Variants in PAK4 observed in about 807,000 individuals in gnomAD.
The protein encoded by PAK4 is p21 (RAC1) activated kinase 4.
PAK4 carries 49 observed loss-of-function variants against 53.5 expected under a neutral mutation model. The ratio of observed to expected loss-of-function variants is 0.92; its 90% CI spans 0.73 to 1.16. The LOEUF (loss-of-function observed/expected upper bound fraction) is 1.16. Among genes scored for constraint, PAK4 ranks in the 50% most tolerant of loss-of-function variants. The pLI, the probability that PAK4 is intolerant of heterozygous loss-of-function variation, is 0.00. For missense variants in PAK4, 824 were observed against 850.7 expected, an observed-to-expected ratio of 0.97 and a Z score of 0.39; for synonymous variants, 376 against 375.6, an observed-to-expected ratio of 1.00 and a Z score of -0.01.
chr19:39,144,157 T>TAGACAGACAGACAGACAGACAGAC (rs2073960703), intron 1 of PAK4, among the ~76,000 whole-genome samples: 1 of 42,866 alleles, frequency 2.3e-5, no homozygotes, highest in South Asian at 1.2e-3. Flanking sequence ...GATAGATAGA[T>TAGACAGACAGACAGACAGACAGAC]AGATTAGATT....
chr19:39,175,465 G>A lies in PAK4; in HGVS notation c.1359+27G>A. 1.3e-6 allele frequency: 2 copies of A among 1,588,400 alleles called. No individual in the cohort carries two copies. The highest frequency in any genetic ancestry group is 1.7e-6 in the Non-Finnish European group (2 of 1,166,628). Reference sequence around the variant, plus strand: ...TGAGGGGACGGGCGGCGGGGTACGGGGGCGGCAGGTTTCCGGCTGCGGGGC... The same window carrying A: ...TGAGGGGACGGGCGGCGGGGTACGGAGGCGGCAGGTTTCCGGCTGCGGGGC... On this transcript the variant is annotated intron_variant, in intron 6 of 8. Coordinates refer to ENST00000358301, the Ensembl canonical transcript of PAK4. This position sits in a 1 kb window ranked among gnomAD's most constrained non-coding sequence, Gnocchi z 4.7.
chr19:39,172,666 C>T (rs2074504622), intron 2 of PAK4, among the ~76,000 whole-genome samples: 1 of 152,154 alleles, frequency 6.6e-6, no homozygotes, highest in Admixed American at 6.5e-5. Flanking sequence ...CAAGGGGGGC[C>T]TCTCCAGGGT....
chr19:39,132,552 C>T (rs558325331), intron 1 of PAK4, among the ~76,000 whole-genome samples: 10 of 152,390 alleles, frequency 6.6e-5, no homozygotes, highest in African/African-American at 2.4e-4. Flanking sequence ...CGTGCCCCCA[C>T]GGACAGCACA....
chr19:39,147,573 C>T (rs1278235338), intron 1 of PAK4, among the ~76,000 whole-genome samples: 1 of 152,146 alleles, frequency 6.6e-6, no homozygotes, highest in Non-Finnish European at 1.5e-5. Flanking sequence ...CCATCAAAAC[C>T]ATTTTCTAGA....
chr19:39,154,346 T>G lies in PAK4; in HGVS notation c.-22-15186T>G, dbSNP rs529561813. ...GAAGAGCAAAGTACAGAATATTGTG[T>G]GTCATGTGGCTGCCATTTCTCTTGT... On this transcript the variant is annotated intron_variant, in intron 1 of 8. Coordinates refer to ENST00000358301, the Ensembl canonical transcript of PAK4. Among the ~76,000 whole-genome samples, 17 of 152,260 alleles carry G rather than the reference T, an allele frequency of 1.1e-4. No individual in the cohort carries two copies. The East Asian group carries it at 2.9e-3, about 26-fold the overall frequency.
intron 4 of PAK4, 86 bp downstream of exon 5, chr19:39,174,096 C>T (rs1383050287): frequency 1.1e-5 from 10 of 878,036 alleles, no homozygotes; most frequent in Non-Finnish European, 1.7e-5. Context: ...TCTCCCTGCA[C>T]TCCTCCGTGC....
At chr19:39,150,853 A>G (rs1600346787) in intron 1 of PAK4, among the ~76,000 whole-genome samples, 2 of 152,112 alleles carry the variant, frequency 1.3e-5, no homozygotes, top group African/African-American at 4.8e-5. Context: ...CCTGCTGCCC[A>G]CCCATCCCTC....
In PAK4 at chr19:39,178,303, GC is replaced by G; in HGVS notation, c.1621-116del. ...CAAGATCTAGACACCCATGACCTCC[GC>G]CCCCTGCCCTCCTGCACAGTACATG... On this transcript the variant is annotated intron_variant, in intron 8 of 8. Transcript: ENST00000358301. The surrounding 1 kb of genome is among the most constrained non-coding windows in gnomAD (Gnocchi z 4.4). 2.0e-6 allele frequency: 2 copies of G among 1,018,788 alleles called. No individual in the cohort carries two copies. Among genetic ancestry groups the G allele is most frequent in the Non-Finnish European group, 2.8e-6 (2 of 707,132 alleles). The allele number at this position is 1,018,788 out of a possible 1,614,324, so 63.1% of individuals were successfully genotyped here.
rs138564503 is a variant in PAK4 at position 39,176,703 on chromosome 19, C to T, written c.1473C>T (p.Pro491=). Residue 491 remains proline (P), a synonymous_variant, in exon 7 of 9, where the codon CCC becomes CCT. Transcript: ENST00000358301. Reference sequence around the variant, plus strand: ...CCCCAGAGCTCATCTCCCGCCTTCCCTACGGGCCAGAGGTGAGCCCCGGGG... The same window carrying T: ...CCCCAGAGCTCATCTCCCGCCTTCCTTACGGGCCAGAGGTGAGCCCCGGGG... The T allele has an allele frequency of 6.8e-6, 11 of 1,610,200 alleles. No homozygotes were observed. In the African/African-American group the frequency reaches 1.3e-4, roughly 20 times the overall value.
chr19:39,144,418 C>T (rs1228677764), intron 1 of PAK4, among the ~76,000 whole-genome samples: 2 of 152,188 alleles, frequency 1.3e-5, no homozygotes, highest in Non-Finnish European at 2.9e-5. Flanking sequence ...GTCTCCAGCA[C>T]GGGGCACCGA....
In PAK4 at chr19:39,161,506, C is replaced by T. The variant is rs1423311545; in HGVS notation, c.-22-8026C>T. Reference sequence around the variant, plus strand: ...GCCCCCTCTGCAGCCCCCACAAGGTCCTGCCCCCTTGATTTCCACTGGGCC... The same window carrying T: ...GCCCCCTCTGCAGCCCCCACAAGGTTCTGCCCCCTTGATTTCCACTGGGCC... On this transcript the variant is annotated intron_variant, in intron 1 of 8. Coordinates refer to ENST00000358301, the Ensembl canonical transcript of PAK4. The surrounding 1 kb of genome is among the most constrained non-coding windows in gnomAD (Gnocchi z 4.5). Among the ~76,000 whole-genome samples, 1 of 151,856 alleles carries T rather than the reference C, an allele frequency of 6.6e-6. No homozygotes were observed. Among genetic ancestry groups the T allele is most frequent in the East Asian group, 1.9e-4 (1 of 5,182 alleles).
At chr19:39,135,233 C>T (rs970092667) in intron 1 of PAK4, 1 of 151,392 alleles carries the variant, frequency 6.6e-6, no homozygotes, top group African/African-American at 2.4e-5. Context: ...TGGTTATCAT[C>T]GGGCTGAGCC....
chr19:39,172,268 G>A (rs2074495793), intron 2 of PAK4, among the ~76,000 whole-genome samples: 2 of 152,152 alleles, frequency 1.3e-5, no homozygotes, highest in African/African-American at 4.8e-5. Context: ...AAATGGAACG[G>A]GGGCAGAGGG....
chr19:39,126,950 G>A (rs2073595901), intron 1 of PAK4, among the ~76,000 whole-genome samples: 1 of 152,142 alleles, frequency 6.6e-6, no homozygotes, highest in African/African-American at 2.4e-5. Context: ...GCCCCTGGTC[G>A]CCACATTGTC....
chr19:39,172,967 T>C, exon 3 of PAK4: 2 of 1,547,470 alleles, frequency 1.3e-6, no homozygotes, highest in Non-Finnish European at 1.7e-6. Flanking sequence ...CTCACGCTGC[T>C]GCTGGACGAG....
chr19:39,169,636 A>G (rs1392257161), exon 2 of PAK4: 1 of 1,613,592 alleles, frequency 6.2e-7, no homozygotes, highest in East Asian at 2.2e-5. Context: ...TTCGACCAGC[A>G]CGAGCAGAAG....
chr19:39,173,198 C>G lies in PAK4; in HGVS notation c.485C>G (p.Ser162Cys), dbSNP rs746301160. ...GCGGGGCCAGAGAAGAGGCCCAAGT[C>G]TTCCAGGGAGGGCTCAGGGGGTCCC... Residue 162 changes from serine to cysteine, a missense_variant, in exon 3 of 9, where the codon TCT becomes TGT. Ser to Cys is a moderately radical substitution (Grantham distance 112). Around this residue, in one of 2 missense-constraint regions of PAK4, gnomAD observed 478 missense variants for 435.8 expected, o/e 1.10. Transcript: ENST00000358301. The surrounding 1 kb of genome is among the most constrained non-coding windows in gnomAD (Gnocchi z 6.9). 23 of 1,549,128 alleles carry G rather than the reference C, an allele frequency of 1.5e-5. No individual in the cohort carries two copies. Among genetic ancestry groups the G allele is most frequent in the Admixed American group, 3.9e-5 (2 of 51,222 alleles).
intron 7 of PAK4, among the ~76,000 whole-genome samples, chr19:39,176,962 G>A (rs1044003625): frequency 1.3e-5 from 2 of 151,828 alleles, no homozygotes; most frequent in Non-Finnish European, 2.9e-5. Flanking sequence ...TCCACCTCCC[G>A]GGTTCAAGCG....
At chr19:39,129,443 G>C (rs976464662) in intron 1 of PAK4, among the ~76,000 whole-genome samples, 1 of 151,858 alleles carries the variant, frequency 6.6e-6, no homozygotes, top group Non-Finnish European at 1.5e-5. Context: ...CATATGCCTA[G>C]TAGTGGAAAA....
Sources: gnomAD v4.1 joint callset for allele counts (sites outside exome capture counted in the v4.1 genomes callset) on GRCh38, gnomAD v4.1.1 for gene constraint, gnomAD v4.1.1 regional missense constraint, Gnocchi (gnomAD v3.1) non-coding constraint, MANE v1.5 for transcripts, NCBI Gene and HGNC (gene_info 2026-07-23, HGNC 2026-07-21) for gene names.